EDA: variants seen among roughly 807,000 people sequenced by gnomAD.
EDA encodes ectodysplasin-A.
A neutral mutation model predicts 23.6 loss-of-function variants in EDA; 2 were observed. The ratio of observed to expected loss-of-function variants is 0.08; its 90% CI spans 0.03 to 0.27. The LOEUF is 0.27. Among genes scored for constraint, EDA ranks in the 10% least tolerant of loss-of-function variants. The probability of loss-of-function intolerance (pLI) is 1.00; values close to 1 mark genes in which losing one functional copy is unlikely to be tolerated. For missense variants in EDA, 229 were observed against 324.2 expected (o/e 0.71, Z 2.26); for synonymous variants, 131 against 132.0 (o/e 0.99, Z 0.05).
intron 1 of EDA, among the ~76,000 whole-genome samples, chrX:69,697,094 T>C (rs1332492584): frequency 4.5e-5 from 5 of 111,778 alleles, no homozygotes; most frequent in Non-Finnish European, 1.9e-5. Flanking sequence ...AACGAGGTAG[T>C]GTGGAGCAAC....
intron 1 of EDA, among the ~76,000 whole-genome samples, chrX:69,680,462 C>G (rs1348736760): frequency 2.1e-5 from 1 of 47,633 alleles, no homozygotes; most frequent in Non-Finnish European, 3.0e-5. Flanking sequence ...GTCTAAGTCT[C>G]TTTGTAGGTC....
At chrX:69,883,076 G>A (rs933401389) in intron 1 of EDA, among the ~76,000 whole-genome samples, 6 of 112,054 alleles carry the variant, frequency 5.4e-5, no homozygotes, top group Admixed American at 9.4e-5. Flanking sequence ...ACTAAAGATT[G>A]CAAGCTTAAT....
intron 2 of EDA, 83 bp downstream of exon 2, chrX:69,957,215 G>A: frequency 2.1e-6 from 2 of 938,269 alleles, no homozygotes; most frequent in Non-Finnish European, 3.1e-6. Context: ...TTCTTGGTAG[G>A]GCATGGTGGC....
intron 1 of EDA, among the ~76,000 whole-genome samples, chrX:69,835,090 G>GATTTGTAGGGTT (rs1320702293): frequency 9.0e-6 from 1 of 111,284 alleles, no homozygotes; most frequent in Non-Finnish European, 1.9e-5. Context: ...TCAGCTGTTA[G>GATTTGTAGGGTT]TCTGATGGAC....
At chrX:69,940,623 G>A (rs1348349759) in intron 1 of EDA, among the ~76,000 whole-genome samples, 6 of 109,415 alleles carry the variant, frequency 5.5e-5, no homozygotes, top group African/African-American at 1.0e-4. Flanking sequence ...AGTTTGCTTC[G>A]GTCTTGCATT....
chrX:69,759,460 A>G (rs745680332), intron 1 of EDA, among the ~76,000 whole-genome samples: 2 of 112,412 alleles, frequency 1.8e-5, no homozygotes, highest in South Asian at 3.7e-4. Context: ...GAAGGCCTCA[A>G]GTAATTCAGG....
intron 1 of EDA, among the ~76,000 whole-genome samples, chrX:69,752,621 T>A (rs1175123820): frequency 2.7e-5 from 3 of 112,268 alleles, no homozygotes; most frequent in African/African-American, 9.7e-5. Flanking sequence ...TCCCTCTTTT[T>A]CTATTGATTG....
intron 1 of EDA, among the ~76,000 whole-genome samples, chrX:69,840,568 A>G (rs915309888): frequency 2.8e-4 from 31 of 111,845 alleles, no homozygotes; most frequent in Non-Finnish European, 5.1e-4. Context: ...TAAATTCAAT[A>G]TATTTTTAGT....
intron 1 of EDA, among the ~76,000 whole-genome samples, chrX:69,785,618 C>T (rs1200170962): frequency 9.1e-6 from 1 of 110,179 alleles, no homozygotes; most frequent in Non-Finnish European, 1.9e-5. Context: ...CATATTGAAC[C>T]AGCCTTGCAT....
chrX:69,843,197 T>C (rs1377219297), intron 1 of EDA, among the ~76,000 whole-genome samples: 1 of 112,429 alleles, frequency 8.9e-6, no homozygotes, highest in Admixed American at 9.4e-5. Context: ...TTATAGACTT[T>C]AACAGTTGTC....
intron 1 of EDA, among the ~76,000 whole-genome samples, chrX:69,851,666 C>A (rs924179271): frequency 8.9e-6 from 1 of 112,150 alleles, no homozygotes; most frequent in Non-Finnish European, 1.9e-5. Flanking sequence ...CATCTTTCCA[C>A]CTGTTTGGCT....
chrX:69,644,769 T>C (rs766058925), intron 1 of EDA, among the ~76,000 whole-genome samples: 64 of 111,632 alleles, frequency 5.7e-4, no homozygotes, highest in African/African-American at 1.9e-3. Flanking sequence ...ATGGCTGTTA[T>C]TATTTTGAGG....
At chrX:69,626,418 G>A (rs1932388397) in intron 1 of EDA, among the ~76,000 whole-genome samples, 1 of 111,431 alleles carries the variant, frequency 9.0e-6, no homozygotes, top group African/African-American at 3.3e-5. Flanking sequence ...TGTCTGATGT[G>A]GTATAATGTG....
At chrX:69,883,113 C>T (rs1479512470) in intron 1 of EDA, among the ~76,000 whole-genome samples, 2 of 112,089 alleles carry the variant, frequency 1.8e-5, no homozygotes, top group Non-Finnish European at 3.8e-5. Context: ...TAATCTGTTC[C>T]CCCTCCTAGT....
chrX:69,991,363 C>T (rs1201811625), intron 2 of EDA, among the ~76,000 whole-genome samples: 1 of 111,231 alleles, frequency 9.0e-6, no homozygotes, highest in Non-Finnish European at 1.9e-5. Context: ...ATTCCAATGA[C>T]AATTTTGTTT....
intron 1 of EDA, among the ~76,000 whole-genome samples, chrX:69,861,523 A>G (rs1015324979): frequency 8.9e-6 from 1 of 111,939 alleles, no homozygotes; most frequent in Non-Finnish European, 1.9e-5. Context: ...AATACAAAGC[A>G]CAAAATGAGC....
At chrX:69,973,885 G>A in intron 2 of EDA, among the ~76,000 whole-genome samples, 2 of 111,143 alleles carry the variant, frequency 1.8e-5, no homozygotes, top group Non-Finnish European at 3.8e-5. Flanking sequence ...AAAAAACTAT[G>A]TTTGTATTAA....
At chrX:69,917,318 C>A (rs1218864953) in intron 1 of EDA, among the ~76,000 whole-genome samples, 1 of 111,831 alleles carries the variant, frequency 8.9e-6, no homozygotes, top group African/African-American at 3.2e-5. Flanking sequence ...CATTGGTTTC[C>A]CATTGACCAT....
intron 2 of EDA, among the ~76,000 whole-genome samples, chrX:69,989,488 A>G (rs977244036): frequency 8.9e-6 from 1 of 111,738 alleles, no homozygotes; most frequent in Admixed American, 9.5e-5. Context: ...TTTCAAGATT[A>G]AAGTTGAAAC....
Sources: gnomAD v4.1 joint callset for allele counts (sites outside exome capture counted in the v4.1 genomes callset) on GRCh38, gnomAD v4.1.1 for gene constraint, MANE v1.5 for transcripts, NCBI Gene and HGNC (gene_info 2026-07-23, HGNC 2026-07-21) for gene names.